LIMCH1: variants seen among roughly 807,000 people sequenced by gnomAD.
The protein encoded by LIMCH1 is LIM and calponin homology domains-containing protein 1.
Under a neutral mutation model 176.5 loss-of-function variants are expected in LIMCH1, and 113 were observed. The observed-to-expected ratio is 0.64, with a 90% CI of 0.55 to 0.75. LIMCH1 has a LOEUF of 0.75. Ranked by LOEUF, LIMCH1 falls within the 30% of genes least tolerant of loss-of-function variation. The probability of loss-of-function intolerance (pLI) is 0.00; values close to 1 mark genes in which losing one functional copy is unlikely to be tolerated. For synonymous variants in LIMCH1, 619 were observed against 645.9 expected (o/e 0.96, Z 0.63); for missense variants, 1,674 against 1,814.9 (o/e 0.92, Z 1.41).
At chr4:41,532,551 A>C (rs539540258) in intron 3 of LIMCH1, among the ~76,000 whole-genome samples, 1 of 152,376 alleles carries the variant, frequency 6.6e-6, no homozygotes, top group Admixed American at 6.5e-5. Flanking sequence ...GCTTGACCAC[A>C]TCGTGAATAC....
chr4:41,675,458 C>T (rs2095186634), intron 22 of LIMCH1, among the ~76,000 whole-genome samples: 1 of 152,018 alleles, frequency 6.6e-6, no homozygotes, highest in African/African-American at 2.4e-5. Flanking sequence ...CTTCCCCACC[C>T]GTGCCTTGCT....
In LIMCH1 at chr4:41,624,117, G is replaced by T. The variant is rs150334886; in HGVS notation, c.726-2591G>T. 6.0e-3 allele frequency among the ~76,000 whole-genome samples: 914 copies of T among 152,232 alleles called. 2 individuals carry two copies. Among genetic ancestry groups the T allele is most frequent in the Non-Finnish European group, 9.1e-3 (622 of 67,998 alleles). On this transcript the variant is annotated intron_variant, in intron 7 of 31. Coordinates refer to ENST00000503057, the MANE Select transcript of LIMCH1 (RefSeq NM_001330672.2). ...GAATTAAAATGCCATGGAGATTTGA[G>T]TTCTTTTACTTGGTGTTTCCCATTG...
chr4:41,641,141 G>A (rs2093806105), intron 14 of LIMCH1, among the ~76,000 whole-genome samples: 1 of 152,128 alleles, frequency 6.6e-6, no homozygotes, highest in Admixed American at 6.5e-5. Flanking sequence ...GGACTCTGCA[G>A]CCAGGAGCCC....
At chr4:41,680,826 A>G (rs969800611) in intron 24 of LIMCH1, 129 bp from the exon 25 acceptor site, 5 of 520,840 alleles carry the variant, frequency 9.6e-6, no homozygotes, top group Admixed American at 3.2e-5. Flanking sequence ...GGAAAATAAG[A>G]CTTTTTAAAA....
chr4:41,553,235 C>T (rs1367288039), intron 1 of LIMCH1, among the ~76,000 whole-genome samples: 5 of 152,152 alleles, frequency 3.3e-5, no homozygotes, highest in Non-Finnish European at 7.4e-5. Flanking sequence ...CCATGAATGG[C>T]ATGGTCTCCA....
At chr4:41,678,440 G>C (rs1170528676) in intron 23 of LIMCH1, among the ~76,000 whole-genome samples, 1 of 152,056 alleles carries the variant, frequency 6.6e-6, no homozygotes, top group African/African-American at 2.4e-5. Context: ...GGGATTTGAG[G>C]TCCATTGTGA....
At chr4:41,542,424 T>TA (rs2078792140) in intron 1 of LIMCH1, among the ~76,000 whole-genome samples, 1 of 151,836 alleles carries the variant, frequency 6.6e-6, no homozygotes, top group Non-Finnish European at 1.5e-5. Context: ...TCAGGGTAAT[T>TA]AAGGACTAAA....
At chr4:41,676,090 A>G (rs1330993873) in intron 22 of LIMCH1, among the ~76,000 whole-genome samples, 1 of 152,252 alleles carries the variant, frequency 6.6e-6, no homozygotes, top group Admixed American at 6.5e-5. Flanking sequence ...AAGAGAAATC[A>G]CTTCTAAGAG....
chr4:41,383,883 A>G (rs1402627326), intron 1 of LIMCH1, among the ~76,000 whole-genome samples: 1 of 152,182 alleles, frequency 6.6e-6, no homozygotes, highest in Non-Finnish European at 1.5e-5. Flanking sequence ...ACCTGCAGAG[A>G]AACTGAGATA....
intron 1 of LIMCH1, among the ~76,000 whole-genome samples, chr4:41,426,904 GA>G (rs1295805353): frequency 6.6e-6 from 1 of 152,216 alleles, no homozygotes; most frequent in Non-Finnish European, 1.5e-5. Context: ...CTTGGTATAT[GA>G]AAATAATATA....
chr4:41,664,041 AAAAC>A (rs1369377399), intron 20 of LIMCH1, among the ~76,000 whole-genome samples: 5 of 151,952 alleles, frequency 3.3e-5, no homozygotes, highest in Admixed American at 6.6e-5. Flanking sequence ...CCCCATCTCA[AAAAC>A]AAACAAACAA....
chr4:41,531,523 C>CACACACACACACACACA (rs2077311123), intron 3 of LIMCH1, among the ~76,000 whole-genome samples: 1 of 144,972 alleles, frequency 6.9e-6, no homozygotes, highest in African/African-American at 2.6e-5. Flanking sequence ...CACATACACA[C>CACACACACACACACACA]CTTATACTTG....
intron 1 of LIMCH1, among the ~76,000 whole-genome samples, chr4:41,430,356 G>A (rs1176362897): frequency 1.3e-5 from 2 of 152,174 alleles, no homozygotes; most frequent in African/African-American, 4.8e-5. Flanking sequence ...TCTGCCTCCA[G>A]AGGTTCAAGC....
chr4:41,413,316 A>C (rs1013768036), intron 1 of LIMCH1, among the ~76,000 whole-genome samples: 1 of 150,976 alleles, frequency 6.6e-6, no homozygotes, highest in African/African-American at 2.4e-5. Context: ...TCATGGAGCC[A>C]TGAAAATGTA....
intron 1 of LIMCH1, among the ~76,000 whole-genome samples, chr4:41,428,183 G>C (rs1582003494): frequency 6.6e-6 from 1 of 152,148 alleles, no homozygotes; most frequent in South Asian, 2.1e-4. Flanking sequence ...GCTAGAGACA[G>C]TATGAGGTCG....
chr4:41,414,778 C>T (rs1054287511), intron 1 of LIMCH1, among the ~76,000 whole-genome samples: 1 of 152,132 alleles, frequency 6.6e-6, no homozygotes, highest in African/African-American at 2.4e-5. Flanking sequence ...TTAAATCTTA[C>T]AAGTGGGTCT....
chr4:41,391,949 A>G (rs1017665821), intron 1 of LIMCH1, among the ~76,000 whole-genome samples: 6 of 152,212 alleles, frequency 3.9e-5, no homozygotes, highest in Non-Finnish European at 7.3e-5. Flanking sequence ...TAAAGAACAT[A>G]TGAGAACTCT....
chr4:41,373,518 CAAAA>C (rs1310191275), intron 1 of LIMCH1, among the ~76,000 whole-genome samples: 1 of 152,200 alleles, frequency 6.6e-6, no homozygotes, highest in Non-Finnish European at 1.5e-5. Flanking sequence ...TAGTTCCTGA[CAAAA>C]GAATAGAAAC....
intron 1 of LIMCH1, among the ~76,000 whole-genome samples, chr4:41,582,777 A>G (rs1456170298): frequency 2.0e-5 from 3 of 152,186 alleles, no homozygotes; most frequent in African/African-American, 7.2e-5. Flanking sequence ...AATGATGATG[A>G]TCATGATGTT....
Sources: gnomAD v4.1 joint callset for allele counts (sites outside exome capture counted in the v4.1 genomes callset) on GRCh38, gnomAD v4.1.1 for gene constraint, MANE v1.5 for transcripts, NCBI Gene and HGNC (gene_info 2026-07-23, HGNC 2026-07-21) for gene names.